Variants in NREP observed in about 807,000 individuals in gnomAD.
The protein encoded by NREP is neuronal regeneration-related protein.
Under a neutral mutation model 8.6 loss-of-function variants are expected in NREP, and 5 were observed. That is an observed-to-expected ratio of 0.58 (90% CI 0.30 to 1.22). The LOEUF is 1.22. NREP is among the 50% of genes most tolerant of loss of function. The pLI, the probability that NREP is intolerant of heterozygous loss-of-function variation, is 0.07. For synonymous variants in NREP, 27 were observed against 28.0 expected (o/e 0.96, Z 0.11); for missense variants, 86 against 82.5 (o/e 1.04, Z -0.17).
chr5:111,878,980 G>C (rs1022935744), intron 2 of NREP, among the ~76,000 whole-genome samples: 2 of 152,218 alleles, frequency 1.3e-5, no homozygotes, highest in African/African-American at 4.8e-5. Context: ...CAAGTCTCAT[G>C]TTGAAATGTG....
intron 2 of NREP, among the ~76,000 whole-genome samples, chr5:111,772,813 T>C (rs1372706273): frequency 6.6e-6 from 1 of 152,218 alleles, no homozygotes; most frequent in Non-Finnish European, 1.5e-5. Context: ...TTCTTTATTA[T>C]GTATTATTAA....
intron 2 of NREP, among the ~76,000 whole-genome samples, chr5:111,772,594 T>C (rs1751257009): frequency 6.6e-6 from 1 of 151,864 alleles, no homozygotes. Context: ...AAGGAACAGG[T>C]GTGCAGCCTC....
In NREP at chr5:111,885,481, A is replaced by ACGCC. The variant is rs1170070723; in HGVS notation, c.135+89792_135+89793insGGCG. On this transcript the variant is annotated intron_variant, in intron 2 of 3. Coordinates refer to the NREP transcript ENST00000395634. ...ACAGAATTGGAAAAAACTACTTTAA[A>ACGCC]GTTCATATGGAACCAAAAAAGAGCC... Among the ~76,000 whole-genome samples, 506 of 152,312 alleles carry ACGCC rather than the reference A, an allele frequency of 3.3e-3. 3 individuals are homozygous for ACGCC. Among genetic ancestry groups the ACGCC allele is most frequent in the Non-Finnish European group, 4.9e-3 (336 of 68,032 alleles).
intron 2 of NREP, among the ~76,000 whole-genome samples, chr5:111,872,367 A>G (rs1753810436): frequency 6.6e-6 from 1 of 152,176 alleles, no homozygotes; most frequent in Non-Finnish European, 1.5e-5. Context: ...GTGGAGGGCA[A>G]CCTACTTTAC....
intron 2 of NREP, among the ~76,000 whole-genome samples, chr5:111,747,990 G>C (rs1043872226): frequency 1.3e-5 from 2 of 152,170 alleles, no homozygotes; most frequent in African/African-American, 4.8e-5. Context: ...GACTGCCTCA[G>C]TCAGACTATT....
At chr5:111,827,299 C>G (rs1428544906) in intron 2 of NREP, among the ~76,000 whole-genome samples, 1 of 152,180 alleles carries the variant, frequency 6.6e-6, no homozygotes, top group East Asian at 1.9e-4. Flanking sequence ...CCTACCTATA[C>G]TTGTAGTTTA....
At position 111,944,706 on chromosome 5, in the gene NREP, A is replaced by G. The variant is rs532580943; in HGVS notation, c.135+30568T>C. Among the ~76,000 whole-genome samples, 566 of 152,244 alleles carry G rather than the reference A, an allele frequency of 3.7e-3. 1 individual carries two copies. The highest frequency in any genetic ancestry group is 5.8e-3 in the Non-Finnish European group (392 of 67,980). ...TCTTGACTCAATTCTGGCCCACAGT[A>G]TCAAAGATCACTTTGATTAGGATGA... On this transcript the variant is annotated intron_variant, in intron 2 of 3. Coordinates refer to the NREP transcript ENST00000395634.
At chr5:111,907,035 G>A (rs1388126646) in intron 2 of NREP, among the ~76,000 whole-genome samples, 1 of 152,034 alleles carries the variant, frequency 6.6e-6, no homozygotes, top group Non-Finnish European at 1.5e-5. Context: ...CTCCCAAAGT[G>A]CTAAGATTAT....
At chr5:111,818,000 G>A (rs1478310571) in intron 2 of NREP, among the ~76,000 whole-genome samples, 1 of 151,998 alleles carries the variant, frequency 6.6e-6, no homozygotes, top group Non-Finnish European at 1.5e-5. Context: ...TTTGGTAGGT[G>A]AAAGAAAGTC....
intron 2 of NREP, among the ~76,000 whole-genome samples, chr5:111,851,186 T>C (rs550278339): frequency 3.3e-5 from 5 of 152,336 alleles, no homozygotes; most frequent in Middle Eastern, 3.4e-3. Context: ...TAGATATGTA[T>C]ATGACATATG....
intron 2 of NREP, among the ~76,000 whole-genome samples, chr5:111,932,268 G>A (rs1195013173): frequency 1.3e-5 from 2 of 152,012 alleles, no homozygotes; most frequent in Non-Finnish European, 2.9e-5. Context: ...GGGCATAAAT[G>A]TTGTACCAAA....
rs114738326 is a variant in NREP, at chr5:111,934,382, G to C, written c.135+40892C>G. ...AGTATCTGGTGAAGGGAAGGTAAAG[G>C]TTATAATTGCATTTCTAAAGAGCTA... On this transcript the variant is annotated intron_variant, in intron 2 of 3. Transcript: ENST00000395634. 2.0e-3 allele frequency among the ~76,000 whole-genome samples: 306 copies of C among 152,160 alleles called. 1 individual carries two copies. The highest frequency in any genetic ancestry group is 6.7e-3 in the African/African-American group (279 of 41,550).
intron 2 of NREP, chr5:111,940,113 G>T (rs1314199510): frequency 1.3e-5 from 2 of 152,004 alleles, no homozygotes; most frequent in Non-Finnish European, 1.5e-5. Context: ...ACCACTGCTA[G>T]CCACTCTACA....
chr5:111,792,596 T>C (rs1462650065), intron 2 of NREP, among the ~76,000 whole-genome samples: 1 of 152,212 alleles, frequency 6.6e-6, no homozygotes, highest in Non-Finnish European at 1.5e-5. Flanking sequence ...AGCAGTTTTC[T>C]CAAGACGCTT....
rs539120445 is a variant in NREP at position 111,860,062 on chromosome 5, G to A, written c.135+115212C>T. Among the ~76,000 whole-genome samples, 7 of 152,240 alleles carry A rather than the reference G, an allele frequency of 4.6e-5. No individual in the cohort carries two copies. The South Asian group carries it at 1.2e-3, about 27-fold the overall frequency. ...CATAATCACGTTGTGAGTGAAAAAT[G>A]TTGTAATGAAATCCTTCTAGGACTT... On this transcript the variant is annotated intron_variant, in intron 2 of 3. Transcript: ENST00000395634.
intron 2 of NREP, among the ~76,000 whole-genome samples, chr5:111,827,847 A>C (rs1403370238): frequency 1.3e-5 from 2 of 152,020 alleles, no homozygotes; most frequent in African/African-American, 4.8e-5. Flanking sequence ...TGTCTCAAAA[A>C]ACAAAAGAAA....
At chr5:111,764,092 A>C (rs1311097379) in intron 2 of NREP, among the ~76,000 whole-genome samples, 2 of 152,222 alleles carry the variant, frequency 1.3e-5, no homozygotes, top group African/African-American at 4.8e-5. Context: ...AAGTTAACTT[A>C]AGCATCTTGA....
At chr5:111,926,454 G>C (rs539038795) in intron 2 of NREP, among the ~76,000 whole-genome samples, 1 of 152,246 alleles carries the variant, frequency 6.6e-6, no homozygotes, top group African/African-American at 2.4e-5. Context: ...ACAGGGCAAA[G>C]AAAGCCTGTA....
At chr5:111,903,815 G>C (rs1754709834) in intron 2 of NREP, among the ~76,000 whole-genome samples, 1 of 152,082 alleles carries the variant, frequency 6.6e-6, no homozygotes, top group Non-Finnish European at 1.5e-5. Context: ...CCAAAATATT[G>C]TTCACCAAGC....
Sources: gnomAD v4.1 joint callset for allele counts (sites outside exome capture counted in the v4.1 genomes callset) on GRCh38, gnomAD v4.1.1 for gene constraint, MANE v1.5 for transcripts, NCBI Gene and HGNC (gene_info 2026-07-23, HGNC 2026-07-21) for gene names.